Variants in COL22A1 observed in about 807,000 individuals in gnomAD.
COL22A1 encodes collagen alpha-1(XXII) chain.
In COL22A1, 221 loss-of-function variants were observed where a neutral mutation model predicts 248.9. The observed-to-expected ratio is 0.89, with a 90% confidence interval of 0.80 to 0.99. The LOEUF is 0.99. Among genes scored for constraint, COL22A1 ranks in the 50% least tolerant of loss-of-function variants. The pLI is 0.00. For synonymous variants in COL22A1, 891 were observed against 793.4 expected (o/e 1.12, Z -2.07); for missense variants, 2,240 against 2,179.0 (o/e 1.03, Z -0.56).
chr8:138,762,487 G>A, intron 16 of COL22A1, 21 bp from the exon 17 acceptor site: 1 of 1,613,198 alleles, frequency 6.2e-7, no homozygotes, highest in Non-Finnish European at 8.5e-7. Flanking sequence ...AAGGCAAATG[G>A]TGAAATAAAG....
At chr8:138,777,281 C>T (rs549466699) in intron 15 of COL22A1, among the ~76,000 whole-genome samples, 7 of 152,304 alleles carry the variant, frequency 4.6e-5, no homozygotes, top group Admixed American at 2.0e-4. Context: ...CACAAGACGC[C>T]GTCCTAAAGA....
chr8:138,664,767 T>C (rs1824347018), intron 41 of COL22A1, among the ~76,000 whole-genome samples: 1 of 152,150 alleles, frequency 6.6e-6, no homozygotes, highest in Non-Finnish European at 1.5e-5. Flanking sequence ...GCACAGCAAA[T>C]AGCATTTGAT....
chr8:138,708,516 G>A (rs7828562), intron 30 of COL22A1, among the ~76,000 whole-genome samples: 3,440 of 152,256 alleles, frequency 0.023, 60 homozygotes, highest in Middle Eastern at 0.051. Flanking sequence ...TGACAAACAT[G>A]ACAAAAACAA....
intron 16 of COL22A1, among the ~76,000 whole-genome samples, chr8:138,763,039 C>T (rs1833621477): frequency 6.6e-6 from 1 of 152,086 alleles, no homozygotes; most frequent in Non-Finnish European, 1.5e-5. Context: ...GTTTTGATTA[C>T]CCTGGGGATG....
chr8:138,742,791 T>C (rs904659375), intron 22 of COL22A1, among the ~76,000 whole-genome samples: 1 of 151,824 alleles, frequency 6.6e-6, no homozygotes, highest in East Asian at 1.9e-4. Context: ...ATGGTGATGG[T>C]GGAGTTGATG....
rs185493965 is a variant in COL22A1, at chr8:138,673,127, C to G, written c.3150+3431G>C. 8.2e-4 allele frequency among the ~76,000 whole-genome samples: 125 copies of G among 152,140 alleles called. No individual in the cohort carries two copies. The Middle Eastern group carries it at 0.01, about 12-fold the overall frequency. ...AGCTCCTGGCTCCCTTCCAGGGAGTCAGTGCTGCCCTGGATGCCAAAGGCA... is the reference window on the plus strand; with the variant it reads ...AGCTCCTGGCTCCCTTCCAGGGAGTGAGTGCTGCCCTGGATGCCAAAGGCA... On this transcript the variant is annotated intron_variant, in intron 41 of 64. Coordinates refer to ENST00000303045, the MANE Select transcript of COL22A1 (RefSeq NM_152888.3).
intron 59 of COL22A1, among the ~76,000 whole-genome samples, chr8:138,604,403 C>T (rs773416037): frequency 6.6e-6 from 1 of 152,164 alleles, no homozygotes; most frequent in Admixed American, 6.5e-5. Context: ...AGATCAGAGT[C>T]CCAGTGGCAG....
chr8:138,835,503 A>G (rs913201827), intron 4 of COL22A1, among the ~76,000 whole-genome samples: 4 of 152,176 alleles, frequency 2.6e-5, no homozygotes, highest in African/African-American at 7.2e-5. Flanking sequence ...GGCTGCCACT[A>G]GGCACAGGCT....
chr8:138,909,104 G>A (rs970110541), intron 1 of COL22A1, among the ~76,000 whole-genome samples: 5 of 152,220 alleles, frequency 3.3e-5, no homozygotes, highest in African/African-American at 1.2e-4. Flanking sequence ...AAAACTATAT[G>A]TGATCACCCT....
chr8:138,656,192 C>T (rs1049911778), intron 44 of COL22A1, among the ~76,000 whole-genome samples: 1 of 152,232 alleles, frequency 6.6e-6, no homozygotes, highest in African/African-American at 2.4e-5. Context: ...TTGGCCATCC[C>T]TACTCTCCTT....
At chr8:138,794,386 C>CAAAA (rs753489322) in intron 12 of COL22A1, among the ~76,000 whole-genome samples, 2 of 128,644 alleles carry the variant, frequency 1.6e-5, no homozygotes, top group African/African-American at 5.7e-5. Context: ...ACTCCATCTC[C>CAAAA]AAAAAAAAAA....
chr8:138,777,231 T>C (rs1355424002), intron 15 of COL22A1, among the ~76,000 whole-genome samples: 1 of 152,178 alleles, frequency 6.6e-6, no homozygotes, highest in East Asian at 1.9e-4. Context: ...TCTGGAATGA[T>C]ACACACATCT....
chr8:138,682,616 C>G (rs755155800), intron 39 of COL22A1, among the ~76,000 whole-genome samples: 1 of 152,172 alleles, frequency 6.6e-6, no homozygotes, highest in Non-Finnish European at 1.5e-5. Flanking sequence ...GCCTCAGTGT[C>G]TTTTTCCCTG....
chr8:138,604,748 C>T lies in COL22A1; in HGVS notation c.4126G>A (p.Val1376Ile), dbSNP rs1818294857. The T allele has an allele frequency of 6.2e-7, 1 of 1,612,690 alleles. No individual in the cohort carries two copies. The highest frequency in any genetic ancestry group is 1.3e-5 in the African/African-American group (1 of 74,912). The change falls in exon 59 of 65, where the codon GTC becomes ATC. Residue 1376 changes from valine to isoleucine, a missense_variant. Physicochemically the swap from Val to Ile is conservative, Grantham distance 29. Transcript: ENST00000303045. ...GTGATACTTGCCTCCTTGCCTGGGA[C>T]TCCTTTCTCTCCTGGTTCTCCCTGG... ...GPPGEPGEKG[V>I]PGKEGVPGKP...
At chr8:138,725,297 C>G in intron 24 of COL22A1, 90 bp downstream of exon 24, 13 of 1,317,892 alleles carry the variant, frequency 9.9e-6, no homozygotes, top group Non-Finnish European at 1.2e-5. Flanking sequence ...GGATAAAAGA[C>G]AAGAGGCCAT....
At chr8:138,906,184 C>T (rs6577961) in intron 1 of COL22A1, among the ~76,000 whole-genome samples, 90,743 of 151,876 alleles carry the variant, frequency 0.6, 27,391 homozygotes, top group Middle Eastern at 0.67. Context: ...TCCTGGCTGA[C>T]ACGGTGAAAC....
chr8:138,860,177 C>T (rs1822343114), intron 3 of COL22A1, among the ~76,000 whole-genome samples: 1 of 152,208 alleles, frequency 6.6e-6, no homozygotes, highest in Non-Finnish European at 1.5e-5. Flanking sequence ...CTCCGTCAGA[C>T]TTCTACACAT....
At chr8:138,762,386 A>C (rs1225561916) in intron 17 of COL22A1, 27 bp downstream of exon 17, 2 of 1,612,292 alleles carry the variant, frequency 1.2e-6, no homozygotes. Flanking sequence ...GATGAAACCT[A>C]GCCCAACAGC....
intron 47 of COL22A1, among the ~76,000 whole-genome samples, chr8:138,639,713 C>T (rs1821501291): frequency 6.6e-6 from 1 of 152,170 alleles, no homozygotes; most frequent in South Asian, 2.1e-4. Context: ...CTTTTGCTAG[C>T]TTTGTGACCC....
Sources: allele counts gnomAD v4.1 joint callset (sites outside exome capture counted in the v4.1 genomes callset), GRCh38; gene constraint gnomAD v4.1.1; transcripts MANE v1.5; gene names NCBI Gene and HGNC (gene_info 2026-07-23, HGNC 2026-07-21).